The following SEMA5A variants were observed in gnomAD, a reference collection of about 807,000 sequenced individuals.
SEMA5A encodes semaphorin 5A, also known as semaphorin-5A.
SEMA5A carries 55 observed loss-of-function variants against 135.5 expected under a neutral mutation model. The observed-to-expected ratio is 0.41, with a 90% confidence interval of 0.33 to 0.51. SEMA5A has a LOEUF of 0.51. SEMA5A is among the 20% of genes least tolerant of loss of function. The pLI is 0.37. For synonymous variants in SEMA5A, 580 were observed against 546.5 expected, an observed-to-expected ratio of 1.06 and a Z score of -0.85; for missense variants, 1,290 against 1,419.9, an observed-to-expected ratio of 0.91 and a Z score of 1.47.
At chr5:9,338,874 T>C (rs773557924) in intron 3 of SEMA5A, among the ~76,000 whole-genome samples, 9 of 152,100 alleles carry the variant, frequency 5.9e-5, no homozygotes, top group Non-Finnish European at 1.3e-4. Flanking sequence ...AGAAATCGCT[T>C]TGTTGATGTG....
intron 16 of SEMA5A, among the ~76,000 whole-genome samples, chr5:9,072,768 T>C (rs564837329): frequency 1.3e-5 from 2 of 152,320 alleles, no homozygotes; most frequent in South Asian, 4.1e-4. Flanking sequence ...AAAGAGAACC[T>C]TAGCATATTT....
intron 2 of SEMA5A, among the ~76,000 whole-genome samples, chr5:9,396,985 A>G (rs757873833): frequency 6.6e-6 from 1 of 152,194 alleles, no homozygotes; most frequent in Non-Finnish European, 1.5e-5. Context: ...ATGTGTTACA[A>G]GCATCGTTTG....
intron 16 of SEMA5A, among the ~76,000 whole-genome samples, chr5:9,074,489 A>T (rs1263514568): frequency 6.6e-6 from 1 of 152,196 alleles, no homozygotes; most frequent in Non-Finnish European, 1.5e-5. Context: ...AAAACAATTA[A>T]AATGAATTAA....
At chr5:9,473,231 G>T (rs1293378644) in intron 1 of SEMA5A, among the ~76,000 whole-genome samples, 1 of 147,504 alleles carries the variant, frequency 6.8e-6, no homozygotes, top group Non-Finnish European at 1.5e-5. Flanking sequence ...AATGATAAAA[G>T]TCAGCAGGGA....
In SEMA5A at chr5:9,042,532, T is replaced by TAAAA; in HGVS notation, c.*364_*365insTTTT. On this transcript the variant is annotated 3_prime_UTR_variant, in exon 23 of 23. Coordinates refer to ENST00000382496, the MANE Select transcript of SEMA5A (RefSeq NM_003966.3). ...AGAGAAAGTGCCTATTTTCTTGAAT[T>TAAAA]ACAACATCATGAAGATTTACACTCC... 4.2e-5 allele frequency: 10 copies of TAAAA among 240,456 alleles called. No homozygotes were observed. Among genetic ancestry groups the TAAAA allele is most frequent in the South Asian group, 1.7e-4 (3 of 17,374 alleles). The allele number at this position is 240,456 out of a possible 1,614,324, so 14.9% of individuals were successfully genotyped here. A position where few individuals can be genotyped will look rare whatever the true frequency, so the allele number is the denominator to read the frequency against.
intron 5 of SEMA5A, among the ~76,000 whole-genome samples, chr5:9,255,667 A>G (rs1206217740): frequency 6.6e-6 from 1 of 152,076 alleles, no homozygotes; most frequent in Non-Finnish European, 1.5e-5. Context: ...CAATGGTGGC[A>G]TGGCCCTGGC....
intron 5 of SEMA5A, among the ~76,000 whole-genome samples, chr5:9,240,377 C>A (rs1748130096): frequency 6.6e-6 from 1 of 151,716 alleles, no homozygotes; most frequent in Non-Finnish European, 1.5e-5. Flanking sequence ...TTACTTATTC[C>A]AGAAGACAGC....
intron 1 of SEMA5A, among the ~76,000 whole-genome samples, chr5:9,533,524 C>G (rs183323055): frequency 3.2e-4 from 48 of 152,144 alleles, no homozygotes; most frequent in African/African-American, 1.1e-3. Flanking sequence ...CAGTATGAAA[C>G]AATTGATACT....
intron 12 of SEMA5A, among the ~76,000 whole-genome samples, chr5:9,141,933 C>T (rs1056187744): frequency 6.6e-6 from 1 of 151,962 alleles, no homozygotes; most frequent in East Asian, 1.9e-4. Flanking sequence ...GAATTTTTGC[C>T]ATTTTGTTAA....
chr5:9,078,562 A>T (rs183694647), intron 16 of SEMA5A, among the ~76,000 whole-genome samples: 1 of 151,020 alleles, frequency 6.6e-6, no homozygotes, highest in East Asian at 1.9e-4. Flanking sequence ...CTGCCTTCTG[A>T]CCAGAAAATT....
chr5:9,100,311 G>A (rs956575656), intron 16 of SEMA5A, among the ~76,000 whole-genome samples: 1 of 152,140 alleles, frequency 6.6e-6, no homozygotes, highest in East Asian at 1.9e-4. Context: ...AGCCTCCTGT[G>A]GTCCCAGCTG....
At position 9,220,767 on chromosome 5, in the gene SEMA5A, G is replaced by A. The variant is rs559179779; in HGVS notation, c.646+3907C>T. 9.2e-5 allele frequency among the ~76,000 whole-genome samples: 14 copies of A among 152,236 alleles called. No individual in the cohort carries two copies. In the East Asian group the frequency reaches 1.5e-3, roughly 17 times the overall value. On this transcript the variant is annotated intron_variant, in intron 8 of 22. Coordinates refer to ENST00000382496, the MANE Select transcript of SEMA5A (RefSeq NM_003966.3). ...ATAAACTTTCTGTAAAAGAAACTTC[G>A]AGGCAACAATGTCATCCTTCCAGTA...
chr5:9,227,066 A>G (rs867082844), intron 6 of SEMA5A, 99 bp from the exon 7 acceptor site: 1 of 489,512 alleles, frequency 2.0e-6, no homozygotes, highest in Middle Eastern at 5.7e-4. Context: ...GTGAGAAGGA[A>G]TACATTTTAT....
At chr5:9,438,342 G>A (rs3822794) in intron 1 of SEMA5A, among the ~76,000 whole-genome samples, 14,037 of 152,138 alleles carry the variant, frequency 0.092, 704 homozygotes, top group African/African-American at 0.13. Context: ...TTTACATACT[G>A]ATTTATTAGG....
chr5:9,038,585 C>T lies in SEMA5A; in HGVS notation c.*4312G>A, dbSNP rs1489565270. 1.3e-5 allele frequency: 2 copies of T among 152,156 alleles called. No homozygotes were observed. The highest frequency in any genetic ancestry group is 4.8e-5 in the African/African-American group (2 of 41,430). The allele number at this position is 152,156 out of a possible 1,614,324, so 9.4% of individuals were successfully genotyped here. On this transcript the variant is annotated 3_prime_UTR_variant, in exon 23 of 23. Transcript: ENST00000382496. ...GAATATTTGTAAATTCAAATGCTAACAAGGCTGTGTTTAGACAAAACGATT... is the reference window on the plus strand; with the variant it reads ...GAATATTTGTAAATTCAAATGCTAATAAGGCTGTGTTTAGACAAAACGATT...
chr5:9,524,630 G>A (rs370654527), intron 1 of SEMA5A, among the ~76,000 whole-genome samples: 10 of 152,138 alleles, frequency 6.6e-5, no homozygotes, highest in African/African-American at 1.7e-4. Context: ...TTAAGCCACC[G>A]AGTGTGTGCT....
intron 14 of SEMA5A, 66 bp from the exon 15 acceptor site, chr5:9,119,207 C>T (rs1740682524): frequency 1.3e-6 from 2 of 1,568,892 alleles, no homozygotes; most frequent in South Asian, 1.2e-5. Context: ...CTGTCTGCAC[C>T]CACGGCCAAA....
At chr5:9,277,256 C>T (rs985598525) in intron 5 of SEMA5A, among the ~76,000 whole-genome samples, 5 of 152,088 alleles carry the variant, frequency 3.3e-5, no homozygotes, top group Non-Finnish European at 5.9e-5. Flanking sequence ...AAATCAAAAC[C>T]ACAATGAGAT....
At chr5:9,048,134 G>A (rs1736371938) in intron 21 of SEMA5A, among the ~76,000 whole-genome samples, 1 of 152,218 alleles carries the variant, frequency 6.6e-6, no homozygotes, top group African/African-American at 2.4e-5. Flanking sequence ...CCAGGCAGCA[G>A]ACAGTCCTGG....
Sources: gnomAD v4.1 joint callset for allele counts (sites outside exome capture counted in the v4.1 genomes callset) on GRCh38, gnomAD v4.1.1 for gene constraint, MANE v1.5 for transcripts, NCBI Gene and HGNC (gene_info 2026-07-23, HGNC 2026-07-21) for gene names.